ZSWIM4: variants seen among roughly 807,000 people sequenced by gnomAD.
ZSWIM4 encodes the protein zinc finger SWIM-type containing 4.
In ZSWIM4, 62 loss-of-function variants were observed where a neutral mutation model predicts 102.5. The observed-to-expected ratio is 0.60, with a 90% CI of 0.49 to 0.75. The LOEUF is 0.75. Among genes scored for constraint, ZSWIM4 ranks in the 30% least tolerant of loss-of-function variants. The probability of loss-of-function intolerance (pLI) is 0.00; values close to 1 mark genes in which losing one functional copy is unlikely to be tolerated. For synonymous variants in ZSWIM4, 652 were observed against 674.5 expected, an observed-to-expected ratio of 0.97 and a Z score of 0.52; for missense variants, 1,280 against 1,529.6, an observed-to-expected ratio of 0.84 and a Z score of 2.72.
In ZSWIM4 at chr19:13,799,797, G is replaced by A. The variant is rs1203070982; in HGVS notation, c.231G>A (p.Arg77=). ...IVFWSFPRSE[R]EICMYSSLGY... ...TTTGGTCGTTTCCACGCAGTGAACGGGAAATATGTATGTACTCGTCGCTGG... is the reference window on the plus strand; with the variant it reads ...TTTGGTCGTTTCCACGCAGTGAACGAGAAATATGTATGTACTCGTCGCTGG... The change falls in exon 2 of 14, where the codon CGG becomes CGA. Residue 77 remains arginine (R), a synonymous_variant. Coordinates refer to ENST00000590508, the MANE Select transcript of ZSWIM4 (RefSeq NM_001367834.3). 6.2e-7 allele frequency: 1 copy of A among 1,614,074 alleles called. No individual in the cohort carries two copies. Among genetic ancestry groups the A allele is most frequent in the South Asian group, 1.1e-5 (1 of 91,088 alleles).
intron 11 of ZSWIM4, among the ~76,000 whole-genome samples, chr19:13,824,903 CAG>C (rs756416022): frequency 1.5e-4 from 23 of 152,076 alleles, no homozygotes; most frequent in Non-Finnish European, 2.9e-4. Flanking sequence ...AGCCAGGGCA[CAG>C]AGAGGTGAAG....
chr19:13,826,489 C>T (rs1276446895), intron 12 of ZSWIM4, among the ~76,000 whole-genome samples: 1 of 151,874 alleles, frequency 6.6e-6, no homozygotes, highest in Non-Finnish European at 1.5e-5. Context: ...TGTATGAGCC[C>T]GGGTGTGGTG....
At chr19:13,826,698 GA>G (rs1390115143) in intron 12 of ZSWIM4, among the ~76,000 whole-genome samples, 1 of 152,114 alleles carries the variant, frequency 6.6e-6, no homozygotes, top group Non-Finnish European at 1.5e-5. Context: ...CCAGGAGGGA[GA>G]GGTTGCAGTG....
chr19:13,804,002 C>G, intron 2 of ZSWIM4, among the ~76,000 whole-genome samples: 1 of 148,930 alleles, frequency 6.7e-6, no homozygotes, highest in East Asian at 2.2e-4. Flanking sequence ...GCTGGGATTA[C>G]AGGCGCCCGC....
chr19:13,815,929 C>G (rs1329916695), intron 7 of ZSWIM4, among the ~76,000 whole-genome samples: 1 of 142,292 alleles, frequency 7.0e-6, no homozygotes, highest in Non-Finnish European at 1.5e-5. Flanking sequence ...GGTGACAGAG[C>G]GAGACTCCGT....
Position 13,830,571 on chromosome 19 carries a change from C to T in ZSWIM4, c.2842C>T (p.Gln948Ter), listed in dbSNP as rs750077515. ...AYKLATLALA[Q>*]LSIAFNQDSH... ...CAAGCTGGCGACGCTGGCCCTGGCG[C>T]AGCTCAGCATCGCCTTCAACCAGGA... Residue 948 changes from glutamine (Q) to a stop codon, truncating the protein, a stop_gained, in exon 14 of 14, where the codon CAG becomes TAG. Transcript: ENST00000590508. LOFTEE classifies it high-confidence loss of function. 1 of 1,599,744 alleles carries T rather than the reference C, an allele frequency of 6.3e-7. No homozygotes were observed. Among genetic ancestry groups the T allele is most frequent in the Non-Finnish European group, 8.5e-7 (1 of 1,179,722 alleles).
Position 13,799,892 on chromosome 19 carries a change from G to T in ZSWIM4, c.326G>T (p.Ser109Ile). The change falls in exon 2 of 14, where the codon AGC (serine) becomes ATC (isoleucine). Residue 109 changes from serine (S) to isoleucine (I), a missense_variant. Physicochemically the swap from Ser to Ile is moderately radical, Grantham distance 142. Coordinates refer to ENST00000590508, the MANE Select transcript of ZSWIM4 (RefSeq NM_001367834.3). ...ACCCGCGGGCTGCACCTGCTCCAGA[G>T]CGGGGCCGTGGACCGCGTGTTGCAA... ...PFTRGLHLLQ[S>I]GAVDRVLQVG... 6.2e-7 allele frequency: 1 copy of T among 1,612,594 alleles called. No individual in the cohort carries two copies. The highest frequency in any genetic ancestry group is 8.5e-7 in the Non-Finnish European group (1 of 1,179,948).
intron 10 of ZSWIM4, 42 bp downstream of exon 10, chr19:13,819,534 G>A: frequency 6.4e-7 from 1 of 1,551,982 alleles, no homozygotes; most frequent in Non-Finnish European, 8.7e-7. Flanking sequence ...GGAGCTGGGG[G>A]GAAGAGGGGC....
chr19:13,828,580 A>C, intron 12 of ZSWIM4, 65 bp from the exon 13 acceptor site: 1 of 1,483,816 alleles, frequency 6.7e-7, no homozygotes, highest in Non-Finnish European at 9.4e-7. Flanking sequence ...TCCATCTCCC[A>C]ACGCCCCTCC....
rs753708740 is a variant in ZSWIM4, at chr19:13,830,596, A to G, written c.2867A>G (p.Asp956Gly). 1 of 1,599,874 alleles carries G rather than the reference A, an allele frequency of 6.3e-7. No homozygotes were observed. Among genetic ancestry groups the G allele is most frequent in the East Asian group, 2.2e-5 (1 of 44,860 alleles). Residue 956 changes from aspartate to glycine, a missense_variant, in exon 14 of 14, where the codon GAC (aspartate) becomes GGC (glycine). Asp to Gly is a moderately conservative substitution (Grantham distance 94). Coordinates refer to ENST00000590508, the MANE Select transcript of ZSWIM4 (RefSeq NM_001367834.3). The stretch of plus-strand genomic sequence containing the variant: ...CAGCTCAGCATCGCCTTCAACCAGG[A>G]CAGCCACCCTGCCGTCAACGACGTG... ...LAQLSIAFNQ[D>G]SHPAVNDVLW... is the part of the protein sequence containing the mutation.
intron 1 of ZSWIM4, among the ~76,000 whole-genome samples, chr19:13,798,132 TC>T (rs1239676671): frequency 6.6e-6 from 1 of 152,176 alleles, no homozygotes; most frequent in African/African-American, 2.4e-5. Context: ...TCTTTTCTTT[TC>T]TTTTTTCTTT....
At chr19:13,800,840 C>G (rs1462677276) in intron 2 of ZSWIM4, among the ~76,000 whole-genome samples, 1 of 152,064 alleles carries the variant, frequency 6.6e-6, no homozygotes, top group Non-Finnish European at 1.5e-5. Context: ...CACATCAGAG[C>G]CCATGTAAAG....
chr19:13,813,002 C>T lies in ZSWIM4; in HGVS notation c.1018C>T (p.Leu340=), dbSNP rs750082667. The change falls in exon 6 of 14, where the codon CTG becomes TTG. Residue 340 remains leucine (L), a synonymous_variant. Transcript: ENST00000590508. ...CCTGCCCCGTGCCTCCTCAGGGGCCCTGTGGGTTTGCGTCGTCCTGAGCCC... is the reference window on the plus strand; with the variant it reads ...CCTGCCCCGTGCCTCCTCAGGGGCCTTGTGGGTTTGCGTCGTCCTGAGCCC... The part of the protein sequence containing the change: ...CRQLWDELGA[L]WVCVVLSPHC... 1.2e-6 allele frequency: 2 copies of T among 1,608,572 alleles called. No homozygotes were observed. The highest frequency in any genetic ancestry group is 1.1e-5 in the South Asian group (1 of 90,768).
chr19:13,799,278 T>G (rs1974692592), intron 1 of ZSWIM4, among the ~76,000 whole-genome samples: 1 of 148,422 alleles, frequency 6.7e-6, no homozygotes. Context: ...TTTTATCTTT[T>G]TTTTTTTTTT....
At chr19:13,800,609 G>C (rs997426088) in intron 2 of ZSWIM4, among the ~76,000 whole-genome samples, 2 of 146,876 alleles carry the variant, frequency 1.4e-5, no homozygotes, top group Non-Finnish European at 3.0e-5. Context: ...GGGTTTTACT[G>C]TGTTAGCCGG....
In ZSWIM4 at chr19:13,809,097, T is replaced by A. The variant is rs1384830078; in HGVS notation, c.889T>A (p.Ser297Thr). The A allele has an allele frequency of 6.2e-7, 1 of 1,613,550 alleles. No individual in the cohort carries two copies. Among genetic ancestry groups the A allele is most frequent in the Admixed American group, 1.7e-5 (1 of 60,006 alleles). ...KVREMLRMRD[S>T]NGARMLILMT... Reference sequence around the variant, plus strand: ...GCGGGAGATGCTGCGAATGCGGGACTCCAACGGGGCGCGCATGCTGATTCT... The same window carrying A: ...GCGGGAGATGCTGCGAATGCGGGACACCAACGGGGCGCGCATGCTGATTCT... The change falls in exon 5 of 14, where the codon TCC becomes ACC. Residue 297 changes from serine to threonine, a missense_variant. Coordinates refer to ENST00000590508, the MANE Select transcript of ZSWIM4 (RefSeq NM_001367834.3). The surrounding 1 kb of genome is among the most constrained non-coding windows in gnomAD (Gnocchi z 4.2).
At chr19:13,823,214 C>A in intron 10 of ZSWIM4, 132 bp from the exon 11 acceptor site, 1 of 831,600 alleles carries the variant, frequency 1.2e-6, no homozygotes, top group South Asian at 1.8e-5. Context: ...GCACACACAT[C>A]TTCCATCATC....
intron 13 of ZSWIM4, 139 bp from the exon 14 acceptor site, chr19:13,830,052 G>C: frequency 8.8e-7 from 1 of 1,137,386 alleles, no homozygotes; most frequent in Non-Finnish European, 1.2e-6. Context: ...GGTGCGCCCT[G>C]ATGATTTGGA....
intron 1 of ZSWIM4, among the ~76,000 whole-genome samples, chr19:13,799,415 A>G (rs1435092250): frequency 6.6e-6 from 1 of 151,422 alleles, no homozygotes; most frequent in Admixed American, 6.6e-5. Flanking sequence ...CTGGGACTAC[A>G]GGTGCTCACC....
Sources: allele counts gnomAD v4.1 joint callset (sites outside exome capture counted in the v4.1 genomes callset), GRCh38; gene constraint gnomAD v4.1.1; non-coding constraint Gnocchi (gnomAD v3.1); transcripts MANE v1.5; gene names NCBI Gene and HGNC (gene_info 2026-07-23, HGNC 2026-07-21).